Variants in LRRC4C observed in about 807,000 individuals in gnomAD.
LRRC4C encodes the protein leucine-rich repeat-containing protein 4C.
Under a neutral mutation model 33.6 loss-of-function variants are expected in LRRC4C, and 5 were observed. The observed-to-expected ratio is 0.15, with a 90% confidence interval of 0.08 to 0.31. The LOEUF (loss-of-function observed/expected upper bound fraction) is 0.31. Among genes scored for constraint, LRRC4C ranks in the 10% least tolerant of loss-of-function variants. The pLI is 1.00. For missense variants in LRRC4C, 560 were observed against 796.7 expected, an observed-to-expected ratio of 0.70 and a Z score of 3.58; for synonymous variants, 329 against 302.0, an observed-to-expected ratio of 1.09 and a Z score of -0.93.
At chr11:40,879,050 A>G (rs1198694819) in intron 2 of LRRC4C, among the ~76,000 whole-genome samples, 2 of 152,158 alleles carry the variant, frequency 1.3e-5, no homozygotes, top group African/African-American at 2.4e-5. Flanking sequence ...TTAAAAACAT[A>G]TCATCTATAA....
chr11:41,366,562 A>AGT (rs1344019309), intron 1 of LRRC4C, among the ~76,000 whole-genome samples: 19 of 152,190 alleles, frequency 1.2e-4, no homozygotes, highest in African/African-American at 4.3e-4. Context: ...AAAAAGTTAA[A>AGT]TAGAGATATT....
At chr11:41,126,614 GGTAGCCC>G in intron 1 of LRRC4C, among the ~76,000 whole-genome samples, 1 of 151,932 alleles carries the variant, frequency 6.6e-6, no homozygotes, top group Non-Finnish European at 1.5e-5. Flanking sequence ...TAAGCTATTA[GGTAGCCC>G]TTCCAACACT....
chr11:40,554,464 A>G (rs896755538), intron 3 of LRRC4C, among the ~76,000 whole-genome samples: 3 of 152,130 alleles, frequency 2.0e-5, no homozygotes, highest in Non-Finnish European at 4.4e-5. Flanking sequence ...GTTCCCTATG[A>G]ATTTTAGAAT....
At chr11:40,495,855 A>T (rs1422921826) in intron 3 of LRRC4C, among the ~76,000 whole-genome samples, 7 of 55,636 alleles carry the variant, frequency 1.3e-4, no homozygotes, top group African/African-American at 4.7e-4. Context: ...TTTTTGAGAG[A>T]GTCTCGCATT....
intron 2 of LRRC4C, among the ~76,000 whole-genome samples, chr11:40,729,751 C>T (rs994165781): frequency 2.6e-5 from 4 of 152,298 alleles, no homozygotes; most frequent in African/African-American, 7.2e-5. Flanking sequence ...AAAATTACAC[C>T]TTCACACACG....
chr11:40,875,713 G>T (rs934282570), intron 2 of LRRC4C, among the ~76,000 whole-genome samples: 2 of 152,006 alleles, frequency 1.3e-5, no homozygotes, highest in Admixed American at 6.6e-5. Context: ...AACCTTTTTG[G>T]CTCCAGGGAC....
At chr11:41,319,168 A>G (rs982671649) in intron 1 of LRRC4C, among the ~76,000 whole-genome samples, 1 of 152,196 alleles carries the variant, frequency 6.6e-6, no homozygotes, top group Non-Finnish European at 1.5e-5. Context: ...GATTTTATCT[A>G]TGAACCAGGA....
intron 3 of LRRC4C, among the ~76,000 whole-genome samples, chr11:40,608,626 T>C (rs1001010325): frequency 1.3e-5 from 2 of 151,298 alleles, no homozygotes; most frequent in African/African-American, 4.9e-5. Flanking sequence ...AAAAGAAAAA[T>C]GAAAAGTAAA....
At chr11:40,579,541 T>C (rs1958371219) in intron 3 of LRRC4C, among the ~76,000 whole-genome samples, 1 of 152,226 alleles carries the variant, frequency 6.6e-6, no homozygotes. Context: ...AAAAAGCCTA[T>C]GACTTTTAGT....
intron 5 of LRRC4C, among the ~76,000 whole-genome samples, chr11:40,222,567 A>G (rs144968145): frequency 0.018 from 2,707 of 152,296 alleles, 34 homozygotes; most frequent in South Asian, 0.048. Context: ...TAACACATTT[A>G]CCTATTTTCT....
intron 1 of LRRC4C, among the ~76,000 whole-genome samples, chr11:41,163,536 G>A (rs767249901): frequency 4.0e-5 from 6 of 150,100 alleles, no homozygotes; most frequent in South Asian, 2.1e-4. Flanking sequence ...TGCTTACCTC[G>A]GCCTCCTAAA....
At chr11:40,807,199 A>C (rs1306680296) in intron 2 of LRRC4C, among the ~76,000 whole-genome samples, 3 of 152,168 alleles carry the variant, frequency 2.0e-5, no homozygotes, top group African/African-American at 7.2e-5. Flanking sequence ...AGTTGTCAAT[A>C]ATAAAAGTCA....
At chr11:40,269,103 A>G (rs1044226101) in intron 4 of LRRC4C, among the ~76,000 whole-genome samples, 1 of 152,188 alleles carries the variant, frequency 6.6e-6, no homozygotes, top group African/African-American at 2.4e-5. Context: ...TTTAAAATCT[A>G]CAGCTGATGT....
intron 1 of LRRC4C, among the ~76,000 whole-genome samples, chr11:41,318,138 T>C (rs922439165): frequency 3.3e-5 from 5 of 152,192 alleles, no homozygotes; most frequent in African/African-American, 9.6e-5. Flanking sequence ...ATATACAGCA[T>C]AATCCCATTT....
chr11:40,352,968 GTTAT>G (rs999589711), intron 3 of LRRC4C, among the ~76,000 whole-genome samples: 1 of 152,100 alleles, frequency 6.6e-6, no homozygotes, highest in Non-Finnish European at 1.5e-5. Context: ...ACCTTTGTAT[GTTAT>G]TTGTTTCTTT....
chr11:41,094,255 C>A (rs1156528048), intron 1 of LRRC4C, among the ~76,000 whole-genome samples: 2 of 151,888 alleles, frequency 1.3e-5, no homozygotes, highest in African/African-American at 2.4e-5. Context: ...TTAGCTGTGA[C>A]TAGAATGTCC....
chr11:40,345,768 C>A (rs916866619), intron 3 of LRRC4C, among the ~76,000 whole-genome samples: 1 of 152,050 alleles, frequency 6.6e-6, no homozygotes. Flanking sequence ...AGGCAACCTA[C>A]AGAATGGAAG....
chr11:40,760,531 G>T (rs1949156620), intron 2 of LRRC4C, among the ~76,000 whole-genome samples: 1 of 151,688 alleles, frequency 6.6e-6, no homozygotes, highest in Non-Finnish European at 1.5e-5. Flanking sequence ...TCAATATTAT[G>T]TATAGAAGTG....
chr11:40,139,514 AT>A (rs1230189090), intron 6 of LRRC4C, among the ~76,000 whole-genome samples: 1 of 151,916 alleles, frequency 6.6e-6, no homozygotes, highest in Non-Finnish European at 1.5e-5. Flanking sequence ...TTGTTTGTTT[AT>A]TTTATGGGAC....
Sources: allele counts gnomAD v4.1 joint callset (sites outside exome capture counted in the v4.1 genomes callset), GRCh38; gene constraint gnomAD v4.1.1; transcripts MANE v1.5; gene names NCBI Gene and HGNC (gene_info 2026-07-23, HGNC 2026-07-21).